Variants in MED14 observed in about 807,000 individuals in gnomAD.
MED14 encodes the protein mediator of RNA polymerase II transcription subunit 14.
In MED14, 8 loss-of-function variants were observed where a neutral mutation model predicts 109.0. That is an observed-to-expected ratio of 0.07 (90% CI 0.04 to 0.13). The LOEUF (loss-of-function observed/expected upper bound fraction) is 0.13. Among genes scored for constraint, MED14 ranks in the 10% least tolerant of loss-of-function variants. MED14 has a pLI of 1.00. For synonymous variants in MED14, 399 were observed against 408.7 expected (o/e 0.98, Z 0.29); for missense variants, 711 against 1,142.4 (o/e 0.62, Z 5.44).
chrX:40,651,920 G>A, intron 30 of MED14, 41 bp from the exon 31 acceptor site: 1 of 1,149,256 alleles, frequency 8.7e-7, no homozygotes, highest in Non-Finnish European at 1.2e-6. Context: ...TCACAACACA[G>A]GAAAGATGTT....
chrX:40,685,684 G>A (rs1397210331), intron 16 of MED14, among the ~76,000 whole-genome samples: 2 of 112,050 alleles, frequency 1.8e-5, no homozygotes, highest in Non-Finnish European at 3.8e-5. Context: ...CCTAATTTGG[G>A]TTATAGGATC....
intron 10 of MED14, among the ~76,000 whole-genome samples, chrX:40,704,434 G>A (rs992503847): frequency 3.7e-5 from 4 of 107,863 alleles, no homozygotes; most frequent in South Asian, 3.7e-4. Flanking sequence ...GAGAGGTAAC[G>A]TGGCAGGCGC....
chrX:40,695,965 G>A (rs907243775), intron 13 of MED14, among the ~76,000 whole-genome samples: 1 of 110,942 alleles, frequency 9.0e-6, no homozygotes, highest in African/African-American at 3.3e-5. Flanking sequence ...AAGCGACGAG[G>A]TCTCACTATA....
intron 3 of MED14, among the ~76,000 whole-genome samples, chrX:40,721,658 G>T (rs1023400016): frequency 2.7e-5 from 3 of 112,163 alleles, no homozygotes; most frequent in African/African-American, 9.7e-5. Context: ...TGGTAGCCAG[G>T]TTACCAGTGT....
In MED14 at chrX:40,720,153, C is replaced by T. The variant is rs1170658677; in HGVS notation, c.349-5443G>A. On this transcript the variant is annotated intron_variant, in intron 3 of 30. Coordinates refer to ENST00000324817, the MANE Select transcript of MED14 (RefSeq NM_004229.4). ...TGGAATACAAGCCAACACCAGTCAC[C>T]CCCTCTCCAGGAACACGAAATTTTT... Among the ~76,000 whole-genome samples the T allele has an allele frequency of 4.5e-5, 5 of 112,238 alleles. No individual in the cohort carries two copies. The South Asian group carries it at 1.9e-3, about 42-fold the overall frequency.
chrX:40,715,773 G>C (rs974140261), intron 3 of MED14, among the ~76,000 whole-genome samples: 2 of 78,190 alleles, frequency 2.6e-5, no homozygotes, highest in African/African-American at 1.0e-4. Context: ...GCGGTAGAGC[G>C]AGACTCCGTC....
At chrX:40,694,201 T>A (rs939200071) in intron 13 of MED14, among the ~76,000 whole-genome samples, 1 of 111,473 alleles carries the variant, frequency 9.0e-6, no homozygotes. Context: ...AACTGGCCTA[T>A]CTTTATTTTT....
Position 40,675,310 on chromosome X carries a change from C to G in MED14, c.2932G>C (p.Val978Leu). 8.4e-7 allele frequency: 1 copy of G among 1,195,987 alleles called. No individual in the cohort carries two copies. The highest frequency in any genetic ancestry group is 1.1e-6 in the Non-Finnish European group (1 of 888,108). Residue 978 changes from valine (V) to leucine (L), a missense_variant, in exon 22 of 31, where the codon GTA becomes CTA. Physicochemically the swap from Val to Leu is conservative, Grantham distance 32. Coordinates refer to ENST00000324817, the MANE Select transcript of MED14 (RefSeq NM_004229.4). ...DSNQDARRRS[V>L]NEDDNPPSPI... ...GAAGGGGGATTATCGTCCTCATTTA[C>G]AGACCTTCTTCGAGCATCCTGATTG...
intron 29 of MED14, 125 bp downstream of exon 29, chrX:40,654,810 T>A: frequency 1.1e-6 from 1 of 910,658 alleles, no homozygotes; most frequent in Non-Finnish European, 1.5e-6. Context: ...CGCTGACAAT[T>A]AAGGAATCCT....
At chrX:40,652,920 T>C (rs1361002934) in intron 30 of MED14, among the ~76,000 whole-genome samples, 1 of 111,450 alleles carries the variant, frequency 9.0e-6, no homozygotes, top group African/African-American at 3.3e-5. Flanking sequence ...GCAGTGATCC[T>C]GTGCACATGA....
intron 25 of MED14, among the ~76,000 whole-genome samples, chrX:40,663,700 G>A (rs1003737543): frequency 2.7e-5 from 3 of 112,460 alleles, no homozygotes; most frequent in Non-Finnish European, 5.6e-5. Flanking sequence ...CTGCCAACCT[G>A]CAGAATTGTG....
intron 2 of MED14, among the ~76,000 whole-genome samples, 165 bp downstream of exon 2, chrX:40,729,154 A>T (rs1245416776): frequency 9.0e-6 from 1 of 111,701 alleles, no homozygotes; most frequent in Non-Finnish European, 1.9e-5. Flanking sequence ...AAGGGTGAGG[A>T]AATTACATTT....
chrX:40,727,288 A>T (rs778458572), intron 2 of MED14, among the ~76,000 whole-genome samples: 13 of 111,372 alleles, frequency 1.2e-4, no homozygotes, highest in South Asian at 3.7e-4. Flanking sequence ...ATTGAAACTG[A>T]TCTTTACCAA....
intron 11 of MED14, among the ~76,000 whole-genome samples, chrX:40,701,867 C>A (rs1351671307): frequency 2.7e-5 from 3 of 111,547 alleles, no homozygotes; most frequent in African/African-American, 9.8e-5. Flanking sequence ...TATGTCCCCC[C>A]AAGATCCATA....
At position 40,662,911 on chromosome X, in the gene MED14, T is replaced by C. The variant is rs768744205; in HGVS notation, c.3684+14A>G. 3.4e-6 allele frequency: 4 copies of C among 1,167,226 alleles called. No homozygotes were observed. Among genetic ancestry groups the C allele is most frequent in the South Asian group, 1.8e-5 (1 of 54,718 alleles). ...TTAACAATCACCACTTAGAAGGTCATTAGGTACCCATACCGTTTCTTGTTG... is the reference window on the plus strand; with the variant it reads ...TTAACAATCACCACTTAGAAGGTCACTAGGTACCCATACCGTTTCTTGTTG... On this transcript the variant is annotated intron_variant, in intron 26 of 30. Transcript: ENST00000324817.
chrX:40,655,530 C>T (rs930298047), intron 28 of MED14, among the ~76,000 whole-genome samples: 1 of 112,018 alleles, frequency 8.9e-6, no homozygotes, highest in African/African-American at 3.2e-5. Context: ...TATCCCCCTA[C>T]CACCCACAAC....
At chrX:40,664,713 G>A (rs1929414160) in intron 24 of MED14, among the ~76,000 whole-genome samples, 1 of 111,756 alleles carries the variant, frequency 8.9e-6, no homozygotes, top group Non-Finnish European at 1.9e-5. Context: ...CTTGAGAGAG[G>A]ATAAAATTTA....
rs58565986 is a variant in MED14, at chrX:40,714,522, A to C, written c.522+15T>G. The C allele has an allele frequency of 0.023, 27,275 of 1,205,043 alleles. 315 individuals are homozygous for C. Among genetic ancestry groups the C allele is most frequent in the African/African-American group, 0.084 (4,779 of 56,945 alleles). On this transcript the variant is annotated intron_variant, in intron 4 of 30. Coordinates refer to ENST00000324817, the MANE Select transcript of MED14 (RefSeq NM_004229.4). The stretch of plus-strand genomic sequence containing the variant: ...CTTTAGTTTTTAGGAACATGGGGGC[A>C]AGCAAAGAACTTACCCTAATGCAGG...
chrX:40,701,299 T>A (rs1177912129), intron 11 of MED14, 56 bp from the exon 12 acceptor site: 3 of 751,967 alleles, frequency 4.0e-6, no homozygotes, highest in African/African-American at 4.2e-5. Flanking sequence ...AAAATCTTTA[T>A]CTAGGTAGTG....
Sources: allele counts gnomAD v4.1 joint callset (sites outside exome capture counted in the v4.1 genomes callset), GRCh38; gene constraint gnomAD v4.1.1; transcripts MANE v1.5; gene names NCBI Gene and HGNC (gene_info 2026-07-23, HGNC 2026-07-21).